Variants in BRWD3 observed in about 807,000 individuals in gnomAD.
The protein encoded by BRWD3 is bromodomain and WD repeat domain containing 3.
Under a neutral mutation model 149.7 loss-of-function variants are expected in BRWD3, and 10 were observed. The observed-to-expected ratio is 0.07, with a 90% CI of 0.04 to 0.11. BRWD3 has a LOEUF of 0.11. Ranked by LOEUF, BRWD3 falls within the 10% of genes least tolerant of loss-of-function variation. The pLI is 1.00. For synonymous variants in BRWD3, 504 were observed against 456.7 expected, an observed-to-expected ratio of 1.10 and a Z score of -1.32; for missense variants, 940 against 1,373.2, an observed-to-expected ratio of 0.68 and a Z score of 4.99.
chrX:80,712,738 G>A (rs778269866), intron 20 of BRWD3, among the ~76,000 whole-genome samples: 30 of 109,976 alleles, frequency 2.7e-4, no homozygotes, highest in Non-Finnish European at 5.4e-4. Context: ...CGTCTGAGAT[G>A]TGGGGAGCGC....
intron 20 of BRWD3, among the ~76,000 whole-genome samples, chrX:80,713,605 G>A (rs2073028313): frequency 9.1e-6 from 1 of 110,019 alleles, no homozygotes. Context: ...TTGTTCACTT[G>A]TTTATCTGCT....
chrX:80,794,305 A>G (rs1275318956), intron 4 of BRWD3, among the ~76,000 whole-genome samples: 7 of 111,153 alleles, frequency 6.3e-5, no homozygotes, highest in Non-Finnish European at 1.1e-4. Flanking sequence ...CAGGAGTTTG[A>G]TAACAGCCTG....
intron 6 of BRWD3, among the ~76,000 whole-genome samples, chrX:80,766,553 G>T (rs927285972): frequency 8.9e-6 from 1 of 111,996 alleles, no homozygotes; most frequent in Non-Finnish European, 1.9e-5. Context: ...ATGCAGGCAA[G>T]GATGCAGAGA....
At chrX:80,800,797 T>C (rs776598552) in intron 4 of BRWD3, among the ~76,000 whole-genome samples, 2 of 111,288 alleles carry the variant, frequency 1.8e-5, no homozygotes, top group Non-Finnish European at 3.8e-5. Context: ...CCCTAGTTGC[T>C]CTTACAAAAT....
chrX:80,733,568 ATTC>A, intron 11 of BRWD3, 72 bp from the exon 12 acceptor site: 1 of 836,348 alleles, frequency 1.2e-6, no homozygotes, highest in South Asian at 2.3e-5. Flanking sequence ...TTTCTCTCAA[ATTC>A]ATAGGCAAAA....
intron 22 of BRWD3, among the ~76,000 whole-genome samples, chrX:80,705,818 T>C (rs1276525560): frequency 1.8e-5 from 2 of 111,810 alleles, no homozygotes; most frequent in Non-Finnish European, 3.8e-5. Context: ...AATGTATACA[T>C]ACACAGGGCA....
In BRWD3 at chrX:80,676,866, T is replaced by C; in HGVS notation, c.5152A>G (p.Arg1718Gly). The change falls in exon 41 of 41, where the codon AGA becomes GGA. Residue 1718 changes from arginine to glycine, a missense_variant. Physicochemically the swap from Arg to Gly is moderately radical, Grantham distance 125. Around this residue, in one of 6 missense-constraint regions of BRWD3, gnomAD observed 349 missense variants for 419.6 expected, o/e 0.83. Coordinates refer to ENST00000373275, the MANE Select transcript of BRWD3 (RefSeq NM_153252.5). ...GRGRGGRGAS[R>G]GATRAKRARI... is the part of the protein sequence containing the mutation. ...GCTCGTTTGGCTCTGGTAGCTCCTC[T>C]AGAAGCACCTCTTCCTCCTCTCCCT... is the stretch of plus-strand genomic sequence containing the variant. 8.3e-7 allele frequency: 1 copy of C among 1,210,882 alleles called. No individual in the cohort carries two copies. Among genetic ancestry groups the C allele is most frequent in the Non-Finnish European group, 1.1e-6 (1 of 895,070 alleles).
chrX:80,808,646 G>A (rs2074374802), intron 3 of BRWD3, 48 bp from the exon 4 acceptor site: 1 of 1,107,822 alleles, frequency 9.0e-7, no homozygotes, highest in African/African-American at 1.9e-5. Context: ...AAATGATGAA[G>A]GAAAAGCCTC....
intron 23 of BRWD3, 48 bp from the exon 24 acceptor site, chrX:80,703,641 A>C: frequency 1.1e-6 from 1 of 918,885 alleles, no homozygotes; most frequent in Non-Finnish European, 1.5e-6. Context: ...ACAGTTCTCC[A>C]ATACATAAAA....
intron 3 of BRWD3, 24 bp from the exon 4 acceptor site, chrX:80,808,622 G>T: frequency 8.3e-7 from 1 of 1,197,943 alleles, no homozygotes. Flanking sequence ...GAAAAGAAAG[G>T]GGGAAGCGGA....
At chrX:80,802,461 A>AT (rs1412080352) in intron 4 of BRWD3, among the ~76,000 whole-genome samples, 9 of 107,702 alleles carry the variant, frequency 8.4e-5, no homozygotes, top group Non-Finnish European at 1.7e-4. Context: ...AAAAAAAAAA[A>AT]AAAAAAATTA....
intron 17 of BRWD3, among the ~76,000 whole-genome samples, chrX:80,722,356 C>T (rs1485815665): frequency 9.0e-6 from 1 of 111,375 alleles, no homozygotes; most frequent in East Asian, 2.8e-4. Flanking sequence ...TATGTTTGTC[C>T]TAACCCACTT....
At chrX:80,733,349 A>G (rs1195502527) in intron 12 of BRWD3, 107 bp downstream of exon 12, 21 of 607,934 alleles carry the variant, frequency 3.5e-5, no homozygotes, top group Admixed American at 5.8e-5. Flanking sequence ...TTGAACCTAA[A>G]TAACTGGACA....
chrX:80,766,554 G>A (rs1390956591), intron 6 of BRWD3, among the ~76,000 whole-genome samples: 4 of 112,016 alleles, frequency 3.6e-5, no homozygotes, highest in Non-Finnish European at 7.5e-5. Flanking sequence ...TGCAGGCAAG[G>A]ATGCAGAGAA....
At chrX:80,685,407 A>T in intron 36 of BRWD3, 55 bp downstream of exon 36, 2 of 1,004,444 alleles carry the variant, frequency 2.0e-6, no homozygotes, top group Non-Finnish European at 2.8e-6. Flanking sequence ...TACAGTATGG[A>T]GAGTTTAGAA....
intron 37 of BRWD3, 24 bp downstream of exon 37, chrX:80,683,986 A>T (rs994851360): frequency 1.7e-6 from 2 of 1,198,676 alleles, no homozygotes. Context: ...ACTGCCTGAT[A>T]ATTAACCCAA....
At chrX:80,783,259 C>T (rs1314732244) in intron 6 of BRWD3, among the ~76,000 whole-genome samples, 1 of 109,523 alleles carries the variant, frequency 9.1e-6, no homozygotes, top group African/African-American at 3.3e-5. Flanking sequence ...TAGTAGTGCA[C>T]ACCTGTAGTC....
intron 6 of BRWD3, among the ~76,000 whole-genome samples, chrX:80,759,918 T>C (rs2073785199): frequency 9.0e-6 from 1 of 111,432 alleles, no homozygotes; most frequent in Non-Finnish European, 1.9e-5. Context: ...ATCCAGTGTT[T>C]TTCACATTTC....
At position 80,676,366 on chromosome X, in the gene BRWD3, T is replaced by C. The variant is rs2072367071; in HGVS notation, c.*243A>G. Reference sequence around the variant, plus strand: ...GTGTCTGTGTGTGTGTATGTGTGTGTATGTGTTTGTGTGTGTGTGGGCAGA... The same window carrying C: ...GTGTCTGTGTGTGTGTATGTGTGTGCATGTGTTTGTGTGTGTGTGGGCAGA... On this transcript the variant is annotated 3_prime_UTR_variant, in exon 41 of 41. Coordinates refer to ENST00000373275, the MANE Select transcript of BRWD3 (RefSeq NM_153252.5). 4.8e-6 allele frequency: 2 copies of C among 413,583 alleles called. No homozygotes were observed. The highest frequency in any genetic ancestry group is 7.5e-5 in the South Asian group (2 of 26,782). 34.1% of individuals were successfully genotyped at this position (413,583 alleles called of 1,213,427 possible).
Sources: allele counts gnomAD v4.1 joint callset (sites outside exome capture counted in the v4.1 genomes callset), GRCh38; gene constraint gnomAD v4.1.1; regional missense constraint gnomAD v4.1.1; transcripts MANE v1.5; gene names NCBI Gene and HGNC (gene_info 2026-07-23, HGNC 2026-07-21).